DACH1: variants seen among roughly 807,000 people sequenced by gnomAD.
DACH1 encodes dachshund family transcription factor 1.
In DACH1, 12 loss-of-function variants were observed where a neutral mutation model predicts 54.2. The observed-to-expected ratio is 0.22, with a 90% confidence interval of 0.14 to 0.36. The LOEUF is 0.36. DACH1 is among the 10% of genes least tolerant of loss of function. The pLI is 1.00. For missense variants in DACH1, 805 were observed against 929.8 expected, an observed-to-expected ratio of 0.87 and a Z score of 1.75; for synonymous variants, 386 against 366.2, an observed-to-expected ratio of 1.05 and a Z score of -0.62.
rs1394005597 is a variant in DACH1 at position 71,439,057 on chromosome 13, T to C, written c.*1598A>G. On this transcript the variant is annotated 3_prime_UTR_variant, in exon 11 of 11. Coordinates refer to ENST00000613252, the MANE Select transcript of DACH1 (RefSeq NM_080759.6). Reference sequence around the variant, plus strand: ...AAGCGTAATGCCAGAGTATCTATAATGTTAATTTTTTCTTAATCAAGTAAT... The same window carrying C: ...AAGCGTAATGCCAGAGTATCTATAACGTTAATTTTTTCTTAATCAAGTAAT... 6.6e-6 allele frequency: 1 copy of C among 152,464 alleles called. No individual in the cohort carries two copies. Among genetic ancestry groups the C allele is most frequent in the African/African-American group, 2.4e-5 (1 of 41,436 alleles). 9.4% of individuals were successfully genotyped at this position (152,464 alleles called of 1,614,324 possible).
chr13:71,804,675 T>C (rs1887422129), intron 1 of DACH1, among the ~76,000 whole-genome samples: 1 of 152,136 alleles, frequency 6.6e-6, no homozygotes, highest in Non-Finnish European at 1.5e-5. Flanking sequence ...CCCTCTGGAA[T>C]GCCATTAGCT....
intron 1 of DACH1, among the ~76,000 whole-genome samples, chr13:71,835,437 C>A (rs578070940): frequency 6.8e-4 from 104 of 152,110 alleles, no homozygotes; most frequent in Non-Finnish European, 1.4e-3. Flanking sequence ...AATAAAACAA[C>A]AAGGGTAAGA....
intron 1 of DACH1, among the ~76,000 whole-genome samples, chr13:71,744,276 A>T (rs1471379839): frequency 6.6e-6 from 1 of 152,244 alleles, no homozygotes; most frequent in Admixed American, 6.5e-5. Flanking sequence ...TTAGAAGTTT[A>T]CAAGAAAAGA....
chr13:71,525,238 A>G (rs1305855438), intron 6 of DACH1, among the ~76,000 whole-genome samples: 1 of 152,216 alleles, frequency 6.6e-6, no homozygotes, highest in Non-Finnish European at 1.5e-5. Context: ...AAACAAAGTA[A>G]CACTCGTAAA....
intron 8 of DACH1, 150 bp from the exon 9 acceptor site, chr13:71,475,999 C>A: frequency 1.8e-6 from 1 of 544,980 alleles, no homozygotes; most frequent in Non-Finnish European, 2.8e-6. Context: ...AAAATCTCCA[C>A]CTTTATCTAA....
intron 10 of DACH1, among the ~76,000 whole-genome samples, chr13:71,470,165 G>A (rs1172309833): frequency 6.6e-6 from 1 of 152,060 alleles, no homozygotes; most frequent in East Asian, 1.9e-4. Flanking sequence ...ATGGAAAATT[G>A]GATCTAAGTA....
At chr13:71,756,910 T>C (rs1566481969) in intron 1 of DACH1, among the ~76,000 whole-genome samples, 1 of 152,180 alleles carries the variant, frequency 6.6e-6, no homozygotes, top group Non-Finnish European at 1.5e-5. Context: ...TGTTGTTCAC[T>C]TGTGAGAATG....
At chr13:71,610,947 T>C (rs1875284432) in intron 3 of DACH1, among the ~76,000 whole-genome samples, 1 of 152,186 alleles carries the variant, frequency 6.6e-6, no homozygotes, top group Non-Finnish European at 1.5e-5. Context: ...AGGAGAGCAA[T>C]CTAACCTGAT....
chr13:71,657,260 C>T (rs924679367), intron 2 of DACH1, among the ~76,000 whole-genome samples: 1 of 151,862 alleles, frequency 6.6e-6, no homozygotes, highest in African/African-American at 2.4e-5. Flanking sequence ...AAAAATGCTT[C>T]CTAGGCCGGG....
chr13:71,628,047 TGATAC>T (rs1876795774), intron 3 of DACH1, among the ~76,000 whole-genome samples: 1 of 152,120 alleles, frequency 6.6e-6, no homozygotes, highest in African/African-American at 2.4e-5. Context: ...TCTCATGATA[TGATAC>T]TATTATTTAT....
At chr13:71,660,969 A>G (rs938274642) in intron 2 of DACH1, among the ~76,000 whole-genome samples, 2 of 150,104 alleles carry the variant, frequency 1.3e-5, no homozygotes, top group Non-Finnish European at 3.0e-5. Context: ...AAGTGATGAA[A>G]ATAATAAAAA....
At chr13:71,718,575 GAAA>G (rs11318583) in intron 1 of DACH1, among the ~76,000 whole-genome samples, 1 of 134,034 alleles carries the variant, frequency 7.5e-6, no homozygotes, top group Non-Finnish European at 1.6e-5. Context: ...GACCATATCT[GAAA>G]AAAAAAAAAA....
intron 1 of DACH1, among the ~76,000 whole-genome samples, chr13:71,729,951 G>A (rs1442237832): frequency 6.6e-6 from 1 of 151,696 alleles, no homozygotes; most frequent in Non-Finnish European, 1.5e-5. Flanking sequence ...CATTTATTGC[G>A]GCTCCACTCA....
chr13:71,604,716 G>A (rs1480983432), intron 3 of DACH1, among the ~76,000 whole-genome samples: 1 of 151,868 alleles, frequency 6.6e-6, no homozygotes, highest in Non-Finnish European at 1.5e-5. Flanking sequence ...AGACACCTTA[G>A]AGAACCCAGG....
rs566785262 is a variant in DACH1, at chr13:71,615,975, A to T, written c.1126+14581T>A. Reference sequence around the variant, plus strand: ...CCAAAGAGCCCTATGTAATATTTCAAATTGTTATACCTATTATACAGATGA... The same window carrying T: ...CCAAAGAGCCCTATGTAATATTTCATATTGTTATACCTATTATACAGATGA... On this transcript the variant is annotated intron_variant, in intron 3 of 10. Coordinates refer to ENST00000613252, the MANE Select transcript of DACH1 (RefSeq NM_080759.6). Among the ~76,000 whole-genome samples, 8 of 152,214 alleles carry T rather than the reference A, an allele frequency of 5.3e-5. No individual in the cohort carries two copies. In the South Asian group the frequency reaches 1.7e-3, roughly 32 times the overall value.
chr13:71,487,363 T>C (rs556538577), intron 7 of DACH1, among the ~76,000 whole-genome samples: 1 of 152,314 alleles, frequency 6.6e-6, no homozygotes, highest in Non-Finnish European at 1.5e-5. Flanking sequence ...TTGTCTAAAA[T>C]GTGTACATTT....
At chr13:71,487,411 CTTTTA>C (rs747679617) in intron 7 of DACH1, among the ~76,000 whole-genome samples, 11 of 151,920 alleles carry the variant, frequency 7.2e-5, no homozygotes, top group Non-Finnish European at 1.2e-4. Context: ...TTCTTTCTTT[CTTTTA>C]TTTTTTCTTT....
chr13:71,664,756 G>A (rs911081236), intron 2 of DACH1, among the ~76,000 whole-genome samples: 7 of 151,936 alleles, frequency 4.6e-5, no homozygotes, highest in Admixed American at 6.6e-5. Flanking sequence ...TATGAGTGAC[G>A]CCTTCGTATT....
At chr13:71,545,836 A>G (rs1883431881) in intron 6 of DACH1, among the ~76,000 whole-genome samples, 1 of 152,126 alleles carries the variant, frequency 6.6e-6, no homozygotes, top group Non-Finnish European at 1.5e-5. Context: ...TGAAGACTAA[A>G]CAACTTGTTC....
Sources: gnomAD v4.1 joint callset for allele counts (sites outside exome capture counted in the v4.1 genomes callset) on GRCh38, gnomAD v4.1.1 for gene constraint, MANE v1.5 for transcripts, NCBI Gene and HGNC (gene_info 2026-07-23, HGNC 2026-07-21) for gene names.